The following CES4A variants were observed in gnomAD, a reference collection of about 807,000 sequenced individuals.
CES4A encodes carboxylesterase 4A.
CES4A carries 48 observed loss-of-function variants against 65.4 expected under a neutral mutation model. The observed-to-expected ratio is 0.73, with a 90% CI of 0.58 to 0.93. CES4A has a LOEUF of 0.93. Ranked by LOEUF, CES4A falls within the 40% of genes least tolerant of loss-of-function variation. CES4A has a pLI of 0.00. For missense variants in CES4A, 685 were observed against 728.5 expected (o/e 0.94, Z 0.69); for synonymous variants, 247 against 281.8 (o/e 0.88, Z 1.24).
intron 1 of CES4A, among the ~76,000 whole-genome samples, chr16:66,991,511 A>T (rs1597045475): frequency 6.6e-6 from 1 of 152,204 alleles, no homozygotes; most frequent in East Asian, 1.9e-4. Context: ...TTAGCACTTT[A>T]TGACCACCAG....
At chr16:66,993,612 G>A (rs1964567740) in intron 1 of CES4A, among the ~76,000 whole-genome samples, 1 of 152,104 alleles carries the variant, frequency 6.6e-6, no homozygotes, top group Non-Finnish European at 1.5e-5. Flanking sequence ...CCAAAGTGCT[G>A]GGATTATAGG....
At chr16:67,004,645 A>G in intron 9 of CES4A, 148 bp from the exon 10 acceptor site, 1 of 663,540 alleles carries the variant, frequency 1.5e-6, no homozygotes, top group Non-Finnish European at 2.6e-6. Flanking sequence ...GGGGGACAAG[A>G]GAGAGTCATG....
At chr16:66,993,354 C>T (rs1204652936) in intron 1 of CES4A, among the ~76,000 whole-genome samples, 2 of 151,072 alleles carry the variant, frequency 1.3e-5, no homozygotes, top group African/African-American at 2.5e-5. Flanking sequence ...GTTTGTTTGT[C>T]TGTTTTGAGA....
chr16:67,000,471 C>A lies in CES4A; in HGVS notation c.261-167C>A, dbSNP rs1325604721. 7.0e-7 allele frequency: 1 copy of A among 1,421,602 alleles called. No homozygotes were observed. The highest frequency in any genetic ancestry group is 2.6e-5 in the East Asian group (1 of 38,440). 88.1% of individuals were successfully genotyped at this position (1,421,602 alleles called of 1,614,324 possible). A position where few individuals can be genotyped will look rare whatever the true frequency, so the allele number is the denominator to read the frequency against. ...GGCCAACCTGCCTCCCAGTCCTGGG[C>A]CCCGGGGCTGGCGGAGGCCTCCTGT... On this transcript the variant is annotated intron_variant, in intron 2 of 13. Coordinates refer to ENST00000648724, the Ensembl canonical transcript of CES4A. This position sits in a 1 kb window ranked among gnomAD's most constrained non-coding sequence, Gnocchi z 4.2.
exon 14 of CES4A, chr16:67,009,316 C>A: frequency 1.7e-6 from 1 of 587,766 alleles, no homozygotes; most frequent in Non-Finnish European, 2.9e-6. Flanking sequence ...TGTGTGGGAC[C>A]TGCACTGCCC....
chr16:66,991,150 G>C (rs545694102), intron 1 of CES4A, among the ~76,000 whole-genome samples: 1 of 152,078 alleles, frequency 6.6e-6, no homozygotes, highest in Admixed American at 6.6e-5. Flanking sequence ...TCAGCCTCCC[G>C]AGTAGCTGGG....
At chr16:67,004,148 T>G (rs139311823) in exon 9 of CES4A, 38 of 1,614,228 alleles carry the variant, frequency 2.4e-5, no homozygotes, top group Non-Finnish European at 3.0e-5. Flanking sequence ...TTGGTGCTCC[T>G]GACCCAGGGG....
chr16:66,992,135 C>A (rs1255719876), intron 1 of CES4A, among the ~76,000 whole-genome samples: 1 of 152,224 alleles, frequency 6.6e-6, no homozygotes, highest in African/African-American at 2.4e-5. Flanking sequence ...TGTGAGACTG[C>A]AGGCTGGTCA....
chr16:66,990,056 T>G (rs1425901769), intron 1 of CES4A, among the ~76,000 whole-genome samples: 3 of 144,946 alleles, frequency 2.1e-5, no homozygotes, highest in Non-Finnish European at 3.0e-5. Flanking sequence ...TCTTTTTTTT[T>G]TTTTTTTTTT....
At chr16:66,994,816 G>A (rs1488173220) in intron 1 of CES4A, among the ~76,000 whole-genome samples, 2 of 143,774 alleles carry the variant, frequency 1.4e-5, no homozygotes, top group Non-Finnish European at 3.0e-5. Flanking sequence ...TCCAGCCTGG[G>A]CAAAAACAGC....
At chr16:67,005,281 C>T (rs1346614200) in exon 11 of CES4A, 1 of 1,614,058 alleles carries the variant, frequency 6.2e-7, no homozygotes, top group East Asian at 2.2e-5. Flanking sequence ...TGGAGGAGTA[C>T]CTGGACAATG....
chr16:67,006,878 C>T lies in CES4A; in HGVS notation c.1517+61C>T. On this transcript the variant is annotated intron_variant, in intron 13 of 13. Transcript: ENST00000648724. The stretch of plus-strand genomic sequence containing the variant: ...CTGCCCAGTGCTGGACCTGAAGAAG[C>T]CAGCTGCTTCGGATATTTGCCCCAG... The T allele has an allele frequency of 2.0e-6, 3 of 1,503,654 alleles. No homozygotes were observed. In the South Asian group the frequency reaches 3.4e-5, roughly 17 times the overall value. 93.1% of individuals were successfully genotyped at this position (1,503,654 alleles called of 1,614,324 possible). A position where few individuals can be genotyped will look rare whatever the true frequency, so the allele number is the denominator to read the frequency against.
Position 67,005,229 on chromosome 16 carries a change from T to C in CES4A, c.1162-11T>C, listed in dbSNP as rs779208963. The stretch of plus-strand genomic sequence containing the variant: ...ACCCAGGCCTCAGGTAAGTGTGGCC[T>C]CCTCACTCAGAATATCACCAAGGAG... On this transcript the variant is annotated splice_polypyrimidine_tract_variant and intron_variant, in intron 10 of 13. Coordinates refer to ENST00000648724, the Ensembl canonical transcript of CES4A. 1.9e-6 allele frequency: 3 copies of C among 1,613,854 alleles called. No homozygotes were observed. Among genetic ancestry groups the C allele is most frequent in the South Asian group, 2.2e-5 (2 of 91,062 alleles).
rs969882265 is a variant in CES4A, at chr16:67,000,638, G to A, written c.261G>A (p.Gly87=). Residue 87 remains glycine (G), a splice_region_variant and synonymous_variant, in exon 3 of 14, where the codon GGG becomes GGA. Transcript: ENST00000648724. The surrounding 1 kb of genome is among the most constrained non-coding windows in gnomAD (Gnocchi z 4.2). Reference sequence around the variant, plus strand: ...CGCCGCCGCTACCTGGTGCCCGCAGGTGCCTGCAGGAGTCCTGGGGCCAGC... The same window carrying A: ...CGCCGCCGCTACCTGGTGCCCGCAGATGCCTGCAGGAGTCCTGGGGCCAGC... The A allele has an allele frequency of 1.0e-5, 16 of 1,544,188 alleles. No individual in the cohort carries two copies. Among genetic ancestry groups the A allele is most frequent in the Non-Finnish European group, 1.4e-5 (16 of 1,143,842 alleles).
chr16:67,004,172 T>A (rs1965567149), exon 9 of CES4A: 1 of 1,614,098 alleles, frequency 6.2e-7, no homozygotes, highest in South Asian at 1.1e-5. Flanking sequence ...GTTTCATCTG[T>A]GCCCTACCTT....
At chr16:67,009,273 T>C in exon 14 of CES4A, 4 of 882,092 alleles carry the variant, frequency 4.5e-6, no homozygotes, top group Non-Finnish European at 6.9e-6. Context: ...AGCTCCCTGC[T>C]GCCTCCAGGC....
In CES4A at chr16:66,994,657, C is replaced by T. The variant is rs1439469334; in HGVS notation, c.59-971C>T. On this transcript the variant is annotated intron_variant, in intron 1 of 13. Transcript: ENST00000648724. ...GAGATAGAGACCATCCTGGCTAGTA[C>T]GGTGAAACCCCATCTCTACTAAAAA... Among the ~76,000 whole-genome samples, 177 of 145,684 alleles carry T rather than the reference C, an allele frequency of 1.2e-3. 1 individual carries two copies. The highest frequency in any genetic ancestry group is 4.0e-3 in the African/African-American group (160 of 39,708).
At chr16:67,004,024 T>G in intron 8 of CES4A, 60 bp from the exon 9 acceptor site, 2 of 1,590,492 alleles carry the variant, frequency 1.3e-6, no homozygotes, top group Non-Finnish European at 1.7e-6. Flanking sequence ...GCACCCAAGG[T>G]TGCAGGGACC....
chr16:67,008,931 G>A (rs748891395), intron 13 of CES4A, 43 bp from the exon 14 acceptor site: 3 of 1,582,232 alleles, frequency 1.9e-6, no homozygotes, highest in East Asian at 2.2e-5. Flanking sequence ...GAAGCAGGAT[G>A]AAAAGGAACA....
Sources: gnomAD v4.1 joint callset for allele counts (sites outside exome capture counted in the v4.1 genomes callset) on GRCh38, gnomAD v4.1.1 for gene constraint, Gnocchi (gnomAD v3.1) non-coding constraint, MANE v1.5 for transcripts, NCBI Gene and HGNC (gene_info 2026-07-23, HGNC 2026-07-21) for gene names.